The following PDE8B variants were observed in gnomAD, a reference collection of about 807,000 sequenced individuals.
The protein encoded by PDE8B is phosphodiesterase 8B.
PDE8B carries 26 observed loss-of-function variants against 101.3 expected under a neutral mutation model. That is an observed-to-expected ratio of 0.26 (90% CI 0.19 to 0.36). The LOEUF is 0.36. PDE8B is among the 10% of genes least tolerant of loss of function. The pLI, the probability that PDE8B is intolerant of heterozygous loss-of-function variation, is 1.00. For synonymous variants in PDE8B, 424 were observed against 429.3 expected, an observed-to-expected ratio of 0.99 and a Z score of 0.15; for missense variants, 810 against 1,163.1, an observed-to-expected ratio of 0.70 and a Z score of 4.42.
chr5:77,306,236 G>A (rs1439214665), intron 1 of PDE8B, among the ~76,000 whole-genome samples: 1 of 152,174 alleles, frequency 6.6e-6, no homozygotes, highest in African/African-American at 2.4e-5. Context: ...GAGCATAATG[G>A]AAGAGCAGTG....
chr5:77,110,665 T>C, the PDE8B span, among the ~76,000 whole-genome samples: 1 of 152,212 alleles, frequency 6.6e-6, no homozygotes, highest in South Asian at 2.1e-4. Flanking sequence ...GCTCTGAGAG[T>C]TGGAGAAAAG....
At chr5:77,324,678 T>A (rs367563448) in intron 2 of PDE8B, among the ~76,000 whole-genome samples, 28 of 152,350 alleles carry the variant, frequency 1.8e-4, no homozygotes, top group South Asian at 1.7e-3. Flanking sequence ...AGATTGGATG[T>A]TAAAATTCAT....
chr5:77,109,141 T>G, the PDE8B span, among the ~76,000 whole-genome samples: 1 of 152,248 alleles, frequency 6.6e-6, no homozygotes, highest in African/African-American at 2.4e-5. Context: ...TGAAATGATT[T>G]TGCAAAGTTC....
Position 77,290,970 on chromosome 5 carries a change from A to G in PDE8B, c.340-21024A>G, listed in dbSNP as rs1767187236. On this transcript the variant is annotated intron_variant, in intron 1 of 21. Transcript: ENST00000264917. ...AGCAGATACCGGCACAGCAATGGCC[A>G]AAGATGAACGAGTGAACCTGCTGTC... The G allele has an allele frequency of 4.3e-6, 7 of 1,611,784 alleles. No individual in the cohort carries two copies. The Admixed American group carries it at 8.3e-5, about 19-fold the overall frequency.
chr5:77,130,493 T>A, the PDE8B span, among the ~76,000 whole-genome samples: 1 of 152,174 alleles, frequency 6.6e-6, no homozygotes, highest in Admixed American at 6.5e-5. Context: ...TTCCAAGTAC[T>A]CTTCTAAGCA....
intron 1 of PDE8B, among the ~76,000 whole-genome samples, chr5:77,239,683 T>C (rs1755353734): frequency 6.6e-6 from 1 of 152,244 alleles, no homozygotes; most frequent in Non-Finnish European, 1.5e-5. Flanking sequence ...CAATCTCTTA[T>C]GCTTATGTAA....
At chr5:77,291,578 C>T in intron 1 of PDE8B, 1 of 1,597,860 alleles carries the variant, frequency 6.3e-7, no homozygotes, top group Non-Finnish European at 8.6e-7. Context: ...AAGATCTGGG[C>T]AGAATCTTTC....
intron 1 of PDE8B, among the ~76,000 whole-genome samples, chr5:77,261,181 G>T (rs1760503563): frequency 6.6e-6 from 1 of 152,190 alleles, no homozygotes; most frequent in Non-Finnish European, 1.5e-5. Context: ...CATTCTGTCA[G>T]AATTCTCTAG....
At chr5:77,400,388 C>G (rs1792012407) in intron 11 of PDE8B, 98 bp downstream of exon 11, 3 of 835,262 alleles carry the variant, frequency 3.6e-6, no homozygotes, top group African/African-American at 3.3e-5. Flanking sequence ...CATCTACTAC[C>G]CCAGAATGTG....
At position 77,310,231 on chromosome 5, in the gene PDE8B, G is replaced by A. The variant is rs554448633; in HGVS notation, c.340-1763G>A. On this transcript the variant is annotated intron_variant, in intron 1 of 21. Coordinates refer to ENST00000264917, the MANE Select transcript of PDE8B (RefSeq NM_003719.5). ...CTCCCAAAGTGCTGGGATTACAGGC[G>A]AGAGCCACCGCATCTGGCCCAATCA... Among the ~76,000 whole-genome samples the A allele has an allele frequency of 1.1e-4, 17 of 152,254 alleles. No individual in the cohort carries two copies. The South Asian group carries it at 2.7e-3, about 24-fold the overall frequency.
At chr5:77,170,697 C>A in the PDE8B span, among the ~76,000 whole-genome samples, 4 of 152,120 alleles carry the variant, frequency 2.6e-5, no homozygotes, top group African/African-American at 7.2e-5. Flanking sequence ...TATATAGAAA[C>A]ACATATGGAA....
intron 1 of PDE8B, among the ~76,000 whole-genome samples, chr5:77,287,924 G>A (rs937153905): frequency 1.3e-5 from 2 of 152,130 alleles, no homozygotes; most frequent in African/African-American, 4.8e-5. Flanking sequence ...CCACGTGTCT[G>A]TTTAATGTTT....
the PDE8B span, among the ~76,000 whole-genome samples, chr5:77,169,966 A>G: frequency 1.3e-5 from 2 of 152,116 alleles, no homozygotes; most frequent in Admixed American, 6.5e-5. Flanking sequence ...CAAGTTCCCT[A>G]TTTTAGCTAT....
At chr5:77,354,322 T>G (rs766032345) in intron 10 of PDE8B, among the ~76,000 whole-genome samples, 11 of 152,216 alleles carry the variant, frequency 7.2e-5, no homozygotes, top group Non-Finnish European at 1.6e-4. Context: ...CACGTCCATG[T>G]GCTCCTTTAT....
At chr5:77,130,204 C>G in the PDE8B span, among the ~76,000 whole-genome samples, 1 of 152,046 alleles carries the variant, frequency 6.6e-6, no homozygotes, top group Admixed American at 6.6e-5. Flanking sequence ...AACAATTAAC[C>G]ATGTAGAAAA....
intron 10 of PDE8B, among the ~76,000 whole-genome samples, chr5:77,386,008 C>T (rs1400328251): frequency 6.6e-6 from 1 of 152,070 alleles, no homozygotes; most frequent in African/African-American, 2.4e-5. Context: ...AGGCTTGTCT[C>T]AAACTCCTGA....
At chr5:77,380,488 C>A (rs1404320845) in intron 10 of PDE8B, among the ~76,000 whole-genome samples, 3 of 152,208 alleles carry the variant, frequency 2.0e-5, no homozygotes, top group African/African-American at 7.2e-5. Flanking sequence ...TTTAAATGGA[C>A]ATTTCTCTCA....
At chr5:77,210,654 G>C, upstream of PDE8B, 7 of 981,000 alleles carry the variant, frequency 7.1e-6, no homozygotes, top group Non-Finnish European at 8.5e-6. This position sits in a 1 kb window ranked among gnomAD's most constrained non-coding sequence, Gnocchi z 4.9. Context: ...GGGGAGGGTG[G>C]CGGCCGCTGG....
the PDE8B span, among the ~76,000 whole-genome samples, chr5:77,189,388 G>A: frequency 6.6e-6 from 1 of 152,148 alleles, no homozygotes; most frequent in Admixed American, 6.5e-5. Flanking sequence ...GGATGCAAGT[G>A]TCAGATGTGG....
Sources: gnomAD v4.1 joint callset for allele counts (sites outside exome capture counted in the v4.1 genomes callset) on GRCh38, gnomAD v4.1.1 for gene constraint, Gnocchi (gnomAD v3.1) non-coding constraint, MANE v1.5 for transcripts, NCBI Gene and HGNC (gene_info 2026-07-23, HGNC 2026-07-21) for gene names.